The following ELAVL2 variants were observed in gnomAD, a reference collection of about 807,000 sequenced individuals.
ELAVL2 encodes ELAV like RNA binding protein 2, also known as ELAV-like protein 2.
Under a neutral mutation model 34.6 loss-of-function variants are expected in ELAVL2, and 4 were observed. The observed-to-expected ratio is 0.12, with a 90% CI of 0.06 to 0.26. The LOEUF is 0.26. Ranked by LOEUF, ELAVL2 falls within the 10% of genes least tolerant of loss-of-function variation. The pLI, the probability that ELAVL2 is intolerant of heterozygous loss-of-function variation, is 1.00. For missense variants in ELAVL2, 432 were observed against 442.8 expected (o/e 0.98, Z 0.22); for synonymous variants, 193 against 154.8 (o/e 1.25, Z -1.83).
rs951972114 is a variant in ELAVL2 at position 23,691,024 on chromosome 9, T to C, written c.*1533A>G. On this transcript the variant is annotated 3_prime_UTR_variant, in exon 7 of 7. Transcript: ENST00000397312. ...GTTCAAAACCTATGGTTATACTCAT[T>C]TTTTTATACCACAAACATATTTATA... 2.6e-5 allele frequency: 4 copies of C among 152,536 alleles called. No individual in the cohort carries two copies. The highest frequency in any genetic ancestry group is 9.7e-5 in the African/African-American group (4 of 41,440). The allele number at this position is 152,536 out of a possible 1,614,324, so 9.4% of individuals were successfully genotyped here.
At chr9:23,784,154 C>T (rs917452286) in intron 1 of ELAVL2, among the ~76,000 whole-genome samples, 3 of 151,774 alleles carry the variant, frequency 2.0e-5, no homozygotes, top group African/African-American at 7.3e-5. Flanking sequence ...GCCGAGATTG[C>T]GCCACGACAC....
chr9:23,754,370 T>G (rs748419787), intron 2 of ELAVL2, among the ~76,000 whole-genome samples: 1 of 152,254 alleles, frequency 6.6e-6, no homozygotes, highest in South Asian at 2.1e-4. Flanking sequence ...TGAAGAGATG[T>G]TAACTGGGAA....
intron 1 of ELAVL2, among the ~76,000 whole-genome samples, chr9:23,765,609 T>C (rs1209344852): frequency 6.6e-6 from 1 of 152,174 alleles, no homozygotes; most frequent in Non-Finnish European, 1.5e-5. Flanking sequence ...TAAATGATCC[T>C]TAATCCTGGG....
At chr9:23,758,648 T>C (rs990773551) in intron 2 of ELAVL2, among the ~76,000 whole-genome samples, 1 of 152,106 alleles carries the variant, frequency 6.6e-6, no homozygotes, top group Non-Finnish European at 1.5e-5. Flanking sequence ...ACAAATGATT[T>C]CAAAAGCTTT....
chr9:23,837,511 C>T, the ELAVL2 span, among the ~76,000 whole-genome samples: 2 of 152,236 alleles, frequency 1.3e-5, no homozygotes, highest in Non-Finnish European at 2.9e-5. Flanking sequence ...TTAACTCTCA[C>T]AAGAATCTCA....
In ELAVL2 at chr9:23,692,787, C is replaced by T. The variant is rs776361348; in HGVS notation, c.850G>A (p.Ala284Thr). 2 of 1,614,024 alleles carry T rather than the reference C, an allele frequency of 1.2e-6. No homozygotes were observed. Among genetic ancestry groups the T allele is most frequent in the South Asian group, 1.1e-5 (1 of 91,080 alleles). ...AGGATACTCTCATCTGCGTCAGGAG[C>T]CAGGTTGTACACAAATATACACCAC... ...TGWCIFVYNL[A>T]PDADESILWQ... Residue 284 changes from alanine (A) to threonine (T), a missense_variant, in exon 7 of 7, where the codon GCT (alanine) becomes ACT (threonine). Ala to Thr is a moderately conservative substitution (Grantham distance 58). Coordinates refer to ENST00000397312, the MANE Select transcript of ELAVL2 (RefSeq NM_004432.5).
At chr9:23,820,914 C>A (rs1414826875) in intron 1 of ELAVL2, among the ~76,000 whole-genome samples, 1 of 152,198 alleles carries the variant, frequency 6.6e-6, no homozygotes, top group African/African-American at 2.4e-5. Context: ...TGCGACCTCG[C>A]GCGGCTGCGA....
intron 5 of ELAVL2, among the ~76,000 whole-genome samples, chr9:23,696,355 A>T (rs943257648): frequency 3.3e-5 from 5 of 152,234 alleles, no homozygotes; most frequent in African/African-American, 1.2e-4. Flanking sequence ...GGCAAACTGT[A>T]ACACAGGCAG....
chr9:23,752,472 T>TG (rs903462071), intron 2 of ELAVL2, among the ~76,000 whole-genome samples: 65 of 125,890 alleles, frequency 5.2e-4, no homozygotes, highest in African/African-American at 1.8e-3. Context: ...CTTTTTTTTG[T>TG]TTTTTTTTTT....
At chr9:23,791,892 C>T (rs1395552292) in intron 1 of ELAVL2, among the ~76,000 whole-genome samples, 2 of 152,174 alleles carry the variant, frequency 1.3e-5, no homozygotes, top group African/African-American at 2.4e-5. Context: ...CAAACTAATA[C>T]AACCCCCACA....
the ELAVL2 span, among the ~76,000 whole-genome samples, chr9:23,833,321 A>T: frequency 6.6e-6 from 1 of 151,860 alleles, no homozygotes; most frequent in East Asian, 1.9e-4. Flanking sequence ...TTAGAAAACA[A>T]GTTTGAATTA....
rs530852188 is a variant in ELAVL2 at position 23,803,777 on chromosome 9, A to G, written c.-16+22029T>C. Among the ~76,000 whole-genome samples the G allele has an allele frequency of 8.5e-5, 13 of 152,284 alleles. No homozygotes were observed. The South Asian group carries it at 2.5e-3, about 29-fold the overall frequency. ...GGGGGACAAGTCCCCCTATCTGTAT[A>G]AAAGAGCTTCACAAGTGCTACTACA... is the stretch of plus-strand genomic sequence containing the variant. On this transcript the variant is annotated intron_variant, in intron 1 of 6. Coordinates refer to ENST00000397312, the MANE Select transcript of ELAVL2 (RefSeq NM_004432.5).
intron 1 of ELAVL2, among the ~76,000 whole-genome samples, chr9:23,786,200 CAT>C (rs1158465127): frequency 6.6e-6 from 1 of 151,826 alleles, no homozygotes; most frequent in African/African-American, 2.4e-5. Flanking sequence ...TAAAAAGTAA[CAT>C]AGAAAAGCTG....
intron 2 of ELAVL2, among the ~76,000 whole-genome samples, chr9:23,731,809 C>T (rs1219724500): frequency 2.0e-5 from 3 of 151,964 alleles, no homozygotes; most frequent in African/African-American, 4.8e-5. Flanking sequence ...AGAAATAGAA[C>T]ATAAACAAAA....
chr9:23,701,941 T>C (rs2037399627), intron 4 of ELAVL2, among the ~76,000 whole-genome samples: 1 of 152,146 alleles, frequency 6.6e-6, no homozygotes, highest in Non-Finnish European at 1.5e-5. Flanking sequence ...ATGTCAATAG[T>C]GTACCGGAGT....
At chr9:23,769,710 G>C (rs751045858) in intron 1 of ELAVL2, among the ~76,000 whole-genome samples, 1 of 152,108 alleles carries the variant, frequency 6.6e-6, no homozygotes, top group East Asian at 1.9e-4. Flanking sequence ...GGCTAACAAC[G>C]GCCCAAGAAC....
chr9:23,721,846 A>G (rs1163584322), intron 3 of ELAVL2, among the ~76,000 whole-genome samples: 1 of 152,226 alleles, frequency 6.6e-6, no homozygotes, highest in Non-Finnish European at 1.5e-5. Flanking sequence ...AATAACACAT[A>G]ATATGTAATA....
In ELAVL2 at chr9:23,701,833, G is replaced by A. The variant is rs145306483; in HGVS notation, c.488-229C>T. ...AATTCGTGTCACTTACATAATCTGA[G>A]TACCCATTATCACATGCATTCCAAT... On this transcript the variant is annotated intron_variant, in intron 4 of 6. Transcript: ENST00000397312. Among the ~76,000 whole-genome samples, 98 of 152,238 alleles carry A rather than the reference G, an allele frequency of 6.4e-4. 1 individual carries two copies. The highest frequency in any genetic ancestry group is 2.3e-3 in the African/African-American group (95 of 41,554).
chr9:23,808,706 CTG>C (rs1417621572), intron 1 of ELAVL2, among the ~76,000 whole-genome samples: 1 of 152,156 alleles, frequency 6.6e-6, no homozygotes, highest in Admixed American at 6.5e-5. Flanking sequence ...ATTTAATAAA[CTG>C]TCATCAAATT....
Sources: allele counts gnomAD v4.1 joint callset (sites outside exome capture counted in the v4.1 genomes callset), GRCh38; gene constraint gnomAD v4.1.1; transcripts MANE v1.5; gene names NCBI Gene and HGNC (gene_info 2026-07-23, HGNC 2026-07-21).